The following PDE8A variants were observed in gnomAD, a reference collection of about 807,000 sequenced individuals.
PDE8A encodes the protein high affinity cAMP-specific and IBMX-insensitive 3',5'-cyclic phosphodiesterase 8A.
A neutral mutation model predicts 105.0 loss-of-function variants in PDE8A; 59 were observed. The ratio of observed to expected loss-of-function variants is 0.56; its 90% CI spans 0.46 to 0.70. The LOEUF (loss-of-function observed/expected upper bound fraction) is 0.70. Among genes scored for constraint, PDE8A ranks in the 30% least tolerant of loss-of-function variants. The pLI is 0.00. For synonymous variants in PDE8A, 355 were observed against 371.9 expected, an observed-to-expected ratio of 0.95 and a Z score of 0.52; for missense variants, 1,014 against 1,045.9, an observed-to-expected ratio of 0.97 and a Z score of 0.42.
intron 20 of PDE8A, among the ~76,000 whole-genome samples, chr15:85,132,522 A>G (rs565510361): frequency 7.6e-4 from 116 of 152,228 alleles, no homozygotes; most frequent in African/African-American, 2.5e-3. Flanking sequence ...CTGGAGTGCA[A>G]TGGTGCCATC....
rs2079715178 is a variant in PDE8A, at chr15:84,981,927, G to A, written c.-236G>A. On this transcript the variant is annotated 5_prime_UTR_variant, in exon 1 of 22. Coordinates refer to ENST00000394553, the MANE Select transcript of PDE8A (RefSeq NM_002605.3). Reference sequence around the variant, plus strand: ...GCCTCAGGAAGGGCATGTTCGGAGGGGCGGCCTCGGCACGCCACCCGCCTA... The same window carrying A: ...GCCTCAGGAAGGGCATGTTCGGAGGAGCGGCCTCGGCACGCCACCCGCCTA... The A allele has an allele frequency of 3.9e-6, 1 of 259,478 alleles. No homozygotes were observed. Among genetic ancestry groups the A allele is most frequent in the Non-Finnish European group, 7.2e-6 (1 of 138,630 alleles). 16.1% of individuals were successfully genotyped at this position (259,478 alleles called of 1,614,324 possible). A position where few individuals can be genotyped will look rare whatever the true frequency, so the allele number is the denominator to read the frequency against.
chr15:85,080,793 A>G (rs2081452478), intron 5 of PDE8A, among the ~76,000 whole-genome samples: 1 of 152,194 alleles, frequency 6.6e-6, no homozygotes, highest in Non-Finnish European at 1.5e-5. Context: ...TCAAGCCTGC[A>G]CACCTTAATC....
At chr15:85,058,369 G>T (rs1441842820) in intron 1 of PDE8A, among the ~76,000 whole-genome samples, 3 of 152,180 alleles carry the variant, frequency 2.0e-5, no homozygotes, top group African/African-American at 7.2e-5. Flanking sequence ...TTACAGGTGT[G>T]AGCTACCACA....
chr15:85,043,107 TAC>T (rs2080835789), intron 1 of PDE8A, among the ~76,000 whole-genome samples: 1 of 152,030 alleles, frequency 6.6e-6, no homozygotes, highest in South Asian at 2.1e-4. Flanking sequence ...TGTCTGAATA[TAC>T]AGTGTGTTAC....
intron 16 of PDE8A, among the ~76,000 whole-genome samples, 184 bp from the exon 17 acceptor site, chr15:85,117,457 C>T (rs1040170531): frequency 6.6e-6 from 1 of 152,140 alleles, no homozygotes; most frequent in African/African-American, 2.4e-5. Flanking sequence ...ATCATGGTCC[C>T]CTGAGGGCAA....
At chr15:85,089,497 A>T in intron 7 of PDE8A, 81 bp downstream of exon 7, 75 of 575,402 alleles carry the variant, frequency 1.3e-4, no homozygotes, top group Non-Finnish European at 1.7e-4. Flanking sequence ...CTCCAATATG[A>T]TTTTTTTTTT....
intron 20 of PDE8A, 106 bp from the exon 21 acceptor site, chr15:85,136,427 CA>C: frequency 8.2e-7 from 1 of 1,216,042 alleles, no homozygotes; most frequent in Non-Finnish European, 1.1e-6. Flanking sequence ...CTCACCATGA[CA>C]AGCCACCTTA....
chr15:84,989,588 G>A (rs2079854510), intron 1 of PDE8A, among the ~76,000 whole-genome samples: 1 of 152,172 alleles, frequency 6.6e-6, no homozygotes. Flanking sequence ...GCTCCATCAG[G>A]CTTTGGCTAT....
chr15:85,036,402 T>C (rs1257043772), intron 1 of PDE8A, among the ~76,000 whole-genome samples: 3 of 152,216 alleles, frequency 2.0e-5, no homozygotes, highest in Non-Finnish European at 2.9e-5. Context: ...TTAGAGACAT[T>C]GAAGGACAGA....
chr15:85,087,099 C>T, intron 6 of PDE8A, among the ~76,000 whole-genome samples: 2 of 149,036 alleles, frequency 1.3e-5, no homozygotes, highest in South Asian at 2.1e-4. Context: ...ATATTATCTC[C>T]TGGTTTTTTT....
At chr15:84,985,951 G>A (rs958141087) in intron 1 of PDE8A, among the ~76,000 whole-genome samples, 5 of 152,114 alleles carry the variant, frequency 3.3e-5, no homozygotes, top group Non-Finnish European at 5.9e-5. Context: ...GAGGCTGGGC[G>A]CGGTGGCTCA....
At chr15:85,106,919 TGTGTATTTATTG>T (rs1567290182) in intron 11 of PDE8A, among the ~76,000 whole-genome samples, 1 of 152,196 alleles carries the variant, frequency 6.6e-6, no homozygotes, top group African/African-American at 2.4e-5. Flanking sequence ...GTGAAGCAGA[TGTGTATTTATTG>T]AGCTTCTATA....
chr15:85,094,559 A>T (rs781152089), intron 8 of PDE8A, among the ~76,000 whole-genome samples: 1 of 152,158 alleles, frequency 6.6e-6, no homozygotes, highest in Non-Finnish European at 1.5e-5. Flanking sequence ...TTGTCTAGCA[A>T]TGGTTTTCTC....
chr15:85,098,055 T>C lies in PDE8A; in HGVS notation c.941+19T>C, dbSNP rs1010558468. 3.7e-6 allele frequency: 5 copies of C among 1,358,232 alleles called. No homozygotes were observed. The Admixed American group carries it at 5.1e-5, about 14-fold the overall frequency. The allele number at this position is 1,358,232 out of a possible 1,614,324, so 84.1% of individuals were successfully genotyped here. A position where few individuals can be genotyped will look rare whatever the true frequency, so the allele number is the denominator to read the frequency against. Reference sequence around the variant, plus strand: ...AGGGAGGGTAAGTGGAAAAAACAAGTACATCAATCAACATACAGTGTTTTG... The same window carrying C: ...AGGGAGGGTAAGTGGAAAAAACAAGCACATCAATCAACATACAGTGTTTTG... On this transcript the variant is annotated intron_variant, in intron 9 of 21. Coordinates refer to ENST00000394553, the MANE Select transcript of PDE8A (RefSeq NM_002605.3).
intron 1 of PDE8A, among the ~76,000 whole-genome samples, chr15:84,983,702 G>T (rs1334174789): frequency 6.6e-6 from 1 of 152,226 alleles, no homozygotes; most frequent in Non-Finnish European, 1.5e-5. Context: ...TGTTACACAG[G>T]TGCATATGGA....
chr15:84,993,298 C>T (rs950188848), intron 1 of PDE8A, among the ~76,000 whole-genome samples: 2 of 151,758 alleles, frequency 1.3e-5, no homozygotes, highest in African/African-American at 2.4e-5. Context: ...AAAAAATTAG[C>T]CGGGTGTGGT....
chr15:85,095,922 G>T (rs968248786), intron 8 of PDE8A, among the ~76,000 whole-genome samples: 4 of 149,876 alleles, frequency 2.7e-5, no homozygotes, highest in South Asian at 2.1e-4. Context: ...TTTTTGAGAC[G>T]GAGTCTCGCT....
At chr15:85,046,072 T>C (rs2080882712) in intron 1 of PDE8A, among the ~76,000 whole-genome samples, 1 of 150,674 alleles carries the variant, frequency 6.6e-6, no homozygotes. Flanking sequence ...TTTCTTTTTT[T>C]TTTTTTTTTT....
chr15:85,053,319 C>T (rs2081006424), intron 1 of PDE8A, among the ~76,000 whole-genome samples: 1 of 152,136 alleles, frequency 6.6e-6, no homozygotes. Flanking sequence ...TTTATGGTTC[C>T]ATATGAACTT....
Sources: allele counts gnomAD v4.1 joint callset (sites outside exome capture counted in the v4.1 genomes callset), GRCh38; gene constraint gnomAD v4.1.1; transcripts MANE v1.5; gene names NCBI Gene and HGNC (gene_info 2026-07-23, HGNC 2026-07-21).